WNT2B: variants seen among roughly 807,000 people sequenced by gnomAD.
The protein encoded by WNT2B is protein Wnt-2b.
Under a neutral mutation model 40.5 loss-of-function variants are expected in WNT2B, and 19 were observed. The observed-to-expected ratio is 0.47, with a 90% CI of 0.33 to 0.69. The LOEUF is 0.69. Ranked by LOEUF, WNT2B falls within the 30% of genes least tolerant of loss-of-function variation. The pLI, the probability that WNT2B is intolerant of heterozygous loss-of-function variation, is 0.02. For missense variants in WNT2B, 467 were observed against 556.4 expected (o/e 0.84, Z 1.62); for synonymous variants, 220 against 211.9 (o/e 1.04, Z -0.33).
chr1:112,487,735 C>T (rs1200354359), intron 1 of WNT2B, among the ~76,000 whole-genome samples: 1 of 151,848 alleles, frequency 6.6e-6, no homozygotes, highest in African/African-American at 2.4e-5. Context: ...GAGTTCAAGA[C>T]CAGCCTGGCC....
chr1:112,467,543 G>A (rs1206560119), exon 1 of WNT2B: 13 of 780,830 alleles, frequency 1.7e-5, no homozygotes, highest in Non-Finnish European at 2.9e-5. Context: ...CCCACATGTT[G>A]GATGGCCTTG....
In WNT2B at chr1:112,521,093, A is replaced by G. The variant is rs1190763081; in HGVS notation, c.*584A>G. The stretch of plus-strand genomic sequence containing the variant: ...TATGTTTATAAACTGTGTTTTGTAG[A>G]AGAAAAAGAATCATAACAATACAAA... On this transcript the variant is annotated 3_prime_UTR_variant, in exon 5 of 5. Transcript: ENST00000369684. 6.5e-6 allele frequency: 1 copy of G among 153,038 alleles called. No individual in the cohort carries two copies. The highest frequency in any genetic ancestry group is 1.9e-4 in the East Asian group (1 of 5,186). The allele number at this position is 153,038 out of a possible 1,614,324, so 9.5% of individuals were successfully genotyped here. A position where few individuals can be genotyped will look rare whatever the true frequency, so the allele number is the denominator to read the frequency against.
At chr1:112,503,272 A>G (rs910224514) in intron 1 of WNT2B, among the ~76,000 whole-genome samples, 2 of 152,140 alleles carry the variant, frequency 1.3e-5, no homozygotes, top group Non-Finnish European at 2.9e-5. Context: ...CACAGAAGGA[A>G]CTAGATCTCT....
upstream of WNT2B, among the ~76,000 whole-genome samples, chr1:112,504,573 C>A (rs780075157): frequency 7.9e-5 from 12 of 152,160 alleles, no homozygotes; most frequent in Non-Finnish European, 1.6e-4. Context: ...TTAACAGCTC[C>A]TGGGTTCTTC....
rs1183203178 is a variant in WNT2B, at chr1:112,520,362, G to A, written c.1029G>A (p.Gly343=). 3 of 1,614,156 alleles carry A rather than the reference G, an allele frequency of 1.9e-6. No homozygotes were observed. The highest frequency in any genetic ancestry group is 2.5e-6 in the Non-Finnish European group (3 of 1,180,010). The change falls in exon 5 of 5, where the codon GGG becomes GGA. Residue 343 remains glycine, a synonymous_variant. Coordinates refer to ENST00000369684, the MANE Select transcript of WNT2B (RefSeq NM_024494.3). ...GTGAAATCATGTGCTGTGGCCGAGG[G>A]TACGACACAACTCGAGTCACCCGTG... The part of the protein sequence containing the change: ...DGCEIMCCGR[G]YDTTRVTRVT...
At chr1:112,514,192 T>C (rs1213359821) in intron 1 of WNT2B, among the ~76,000 whole-genome samples, 1 of 152,106 alleles carries the variant, frequency 6.6e-6, no homozygotes, top group East Asian at 1.9e-4. Context: ...TCCATCCAGG[T>C]TGGGGAAGAT....
chr1:112,490,583 G>C (rs1346966328), intron 1 of WNT2B, among the ~76,000 whole-genome samples: 6 of 150,610 alleles, frequency 4.0e-5, no homozygotes, highest in African/African-American at 7.3e-5. Context: ...TCCGCCTCCC[G>C]GGTTCACGCC....
chr1:112,487,849 G>C (rs917308056), intron 1 of WNT2B, among the ~76,000 whole-genome samples: 1 of 143,452 alleles, frequency 7.0e-6, no homozygotes, highest in African/African-American at 2.6e-5. Flanking sequence ...CACAAGAATT[G>C]CTTGAACCAA....
intron 1 of WNT2B, among the ~76,000 whole-genome samples, chr1:112,497,205 A>C (rs1439312388): frequency 6.6e-6 from 1 of 152,104 alleles, no homozygotes; most frequent in Non-Finnish European, 1.5e-5. Context: ...CTGAGGTCTC[A>C]GGGGTGGTCC....
At chr1:112,486,087 G>A (rs989268522) in intron 1 of WNT2B, among the ~76,000 whole-genome samples, 1 of 149,458 alleles carries the variant, frequency 6.7e-6, no homozygotes, top group Non-Finnish European at 1.5e-5. Context: ...AGGATTGCTT[G>A]AGCCCAGGAG....
rs1652886518 is a variant in WNT2B at position 112,521,609 on chromosome 1, G to C, written c.*1100G>C. On this transcript the variant is annotated 3_prime_UTR_variant, in exon 5 of 5. Transcript: ENST00000369684. ...CAGGTTGGGGCCAAAGTGATACACA[G>C]CTTAGAAGGCAGCCTTCCTCCACTT... is the stretch of plus-strand genomic sequence containing the variant. 6.6e-6 allele frequency: 1 copy of C among 152,384 alleles called. No homozygotes were observed. The highest frequency in any genetic ancestry group is 2.1e-4 in the South Asian group (1 of 4,806). The allele number at this position is 152,384 out of a possible 1,614,324, so 9.4% of individuals were successfully genotyped here. A position where few individuals can be genotyped will look rare whatever the true frequency, so the allele number is the denominator to read the frequency against.
intron 1 of WNT2B, among the ~76,000 whole-genome samples, chr1:112,492,456 TA>T (rs1193482220): frequency 6.6e-6 from 1 of 152,178 alleles, no homozygotes; most frequent in East Asian, 1.9e-4. Context: ...CTCTGAGAAT[TA>T]AAAACTCCAG....
Position 112,526,617 on chromosome 1 carries a change from T to C in WNT2B, c.*6108T>C, listed in dbSNP as rs895184248. 6.5e-6 allele frequency: 1 copy of C among 152,752 alleles called. No individual in the cohort carries two copies. The highest frequency in any genetic ancestry group is 2.4e-5 in the African/African-American group (1 of 41,242). The allele number at this position is 152,752 out of a possible 1,614,324, so 9.5% of individuals were successfully genotyped here. The stretch of plus-strand genomic sequence containing the variant: ...TTAGCCGGGCCTGGTGGCGGGCGCC[T>C]GTAGTCCCAGCTACTGGGGAGGCTG... On this transcript the variant is annotated 3_prime_UTR_variant, in exon 5 of 5. Coordinates refer to ENST00000369684, the MANE Select transcript of WNT2B (RefSeq NM_024494.3).
chr1:112,473,095 G>GAGGA lies in WNT2B; in HGVS notation c.-95+5516_-95+5519dup, dbSNP rs543387330. On this transcript the variant is annotated intron_variant, in intron 1 of 4. Transcript: ENST00000256640. ...AAAAAGAAAGAAAGAAACACGGAAG[G>GAGGA]AGGAAGGAAGGAAGGGAAAAAAGAA... 5.3e-5 allele frequency among the ~76,000 whole-genome samples: 5 copies of GAGGA among 93,504 alleles called. No homozygotes were observed. The South Asian group carries it at 1.5e-3, about 28-fold the overall frequency. 61.3% of individuals were successfully genotyped at this position (93,504 alleles called of 152,430 possible).
chr1:112,490,435 G>A (rs1164968656), intron 1 of WNT2B, among the ~76,000 whole-genome samples: 1 of 152,056 alleles, frequency 6.6e-6, no homozygotes, highest in Non-Finnish European at 1.5e-5. Flanking sequence ...TGAGAAAGGG[G>A]CTCAAAGAGA....
rs1287878473 is a variant in WNT2B at position 112,523,885 on chromosome 1, A to G, written c.*3376A>G. The G allele has an allele frequency of 6.6e-6, 1 of 152,108 alleles. No homozygotes were observed. The highest frequency in any genetic ancestry group is 2.4e-5 in the African/African-American group (1 of 41,400). 9.4% of individuals were successfully genotyped at this position (152,108 alleles called of 1,614,324 possible). A position where few individuals can be genotyped will look rare whatever the true frequency, so the allele number is the denominator to read the frequency against. ...TGTAAAAGTAAGAATGCCAGCCTTA[A>G]CCTAGCCCTGCAGATAAAAGCTAAC... On this transcript the variant is annotated 3_prime_UTR_variant, in exon 5 of 5. Transcript: ENST00000369684.
Position 112,509,500 on chromosome 1 carries a change from C to A in WNT2B, c.182+56C>A, listed in dbSNP as rs529615797. On this transcript the variant is annotated intron_variant, in intron 1 of 4. Coordinates refer to ENST00000369684, the MANE Select transcript of WNT2B (RefSeq NM_024494.3). The surrounding 1 kb of genome is among the most constrained non-coding windows in gnomAD (Gnocchi z 4.2). ...GGCGCTTGGTAGGAGAGGCCGGAGG[C>A]GCCTGGAGGGACTGGCTGCTCACGG... The A allele has an allele frequency of 1.9e-5, 29 of 1,505,186 alleles. No individual in the cohort carries two copies. The highest frequency in any genetic ancestry group is 2.4e-5 in the Non-Finnish European group (28 of 1,144,170). 93.2% of individuals were successfully genotyped at this position (1,505,186 alleles called of 1,614,324 possible).
upstream of WNT2B, among the ~76,000 whole-genome samples, chr1:112,507,849 T>A (rs1346479662): frequency 6.6e-6 from 1 of 152,178 alleles, no homozygotes; most frequent in African/African-American, 2.4e-5. Flanking sequence ...CTCTGAACTC[T>A]CGAAGTTAAG....
chr1:112,477,181 G>A (rs1171792325), intron 1 of WNT2B, among the ~76,000 whole-genome samples: 1 of 152,210 alleles, frequency 6.6e-6, no homozygotes, highest in African/African-American at 2.4e-5. Flanking sequence ...GAGTACCCAA[G>A]CAACTTTTTC....
Sources: allele counts gnomAD v4.1 joint callset (sites outside exome capture counted in the v4.1 genomes callset), GRCh38; gene constraint gnomAD v4.1.1; non-coding constraint Gnocchi (gnomAD v3.1); transcripts MANE v1.5; gene names NCBI Gene and HGNC (gene_info 2026-07-23, HGNC 2026-07-21).